TBL1XR1: variants seen among roughly 807,000 people sequenced by gnomAD.
The protein encoded by TBL1XR1 is F-box-like/WD repeat-containing protein TBL1XR1.
A neutral mutation model predicts 66.9 loss-of-function variants in TBL1XR1; 5 were observed. The ratio of observed to expected loss-of-function variants is 0.07; its 90% confidence interval spans 0.04 to 0.16. The LOEUF is 0.16. Ranked by LOEUF, TBL1XR1 falls within the 10% of genes least tolerant of loss-of-function variation. The pLI is 1.00. For synonymous variants in TBL1XR1, 210 were observed against 206.0 expected (o/e 1.02, Z -0.17); for missense variants, 238 against 623.2 (o/e 0.38, Z 6.58).
chr3:177,158,485 C>G (rs938588170), intron 1 of TBL1XR1, among the ~76,000 whole-genome samples: 5 of 152,068 alleles, frequency 3.3e-5, no homozygotes, highest in Admixed American at 1.3e-4. Context: ...CCTCGGCCTC[C>G]CAATGTGCTG....
At chr3:177,038,002 T>G (rs1442108658) in intron 12 of TBL1XR1, 96 bp downstream of exon 12, 1 of 1,038,688 alleles carries the variant, frequency 9.6e-7, no homozygotes, top group East Asian at 2.5e-5. Context: ...GTACAAACAC[T>G]CCATGTAAGA....
Position 177,134,875 on chromosome 3 carries a change from G to A in TBL1XR1, c.-121-36334C>T, listed in dbSNP as rs79367143. Among the ~76,000 whole-genome samples the A allele has an allele frequency of 4.4e-3, 667 of 151,894 alleles. 11 individuals are homozygous for A. The highest frequency in any genetic ancestry group is 2.9e-3 in the South Asian group (14 of 4,812). Reference sequence around the variant, plus strand: ...TACTTAATAAACTAACGGGTATACAGTAAAAATAATGATGGATAATAAAAG... The same window carrying A: ...TACTTAATAAACTAACGGGTATACAATAAAAATAATGATGGATAATAAAAG... On this transcript the variant is annotated intron_variant, in intron 1 of 15. Coordinates refer to ENST00000457928, the MANE Select transcript of TBL1XR1 (RefSeq NM_024665.7).
At chr3:177,045,067 T>C (rs1035165668) in intron 10 of TBL1XR1, 3 of 152,250 alleles carry the variant, frequency 2.0e-5, no homozygotes, top group African/African-American at 7.2e-5. Context: ...TGCAAACTTA[T>C]TCAGATACTA....
intron 1 of TBL1XR1, among the ~76,000 whole-genome samples, chr3:177,137,798 C>A (rs1260483030): frequency 1.3e-5 from 2 of 152,052 alleles, no homozygotes; most frequent in African/African-American, 4.8e-5. Context: ...GGCAAAACCC[C>A]GACTCTACAG....
At chr3:177,151,702 T>C (rs1730908083) in intron 1 of TBL1XR1, among the ~76,000 whole-genome samples, 1 of 152,180 alleles carries the variant, frequency 6.6e-6, no homozygotes, top group Admixed American at 6.5e-5. Flanking sequence ...TCTCAGCCAC[T>C]GTGAAATATC....
chr3:177,046,903 T>TA (rs911381102), intron 9 of TBL1XR1, among the ~76,000 whole-genome samples: 3 of 152,152 alleles, frequency 2.0e-5, no homozygotes, highest in African/African-American at 4.8e-5. Context: ...CAAAGAAGGC[T>TA]AGACAGATCC....
chr3:177,130,575 C>A (rs1728181278), intron 1 of TBL1XR1, among the ~76,000 whole-genome samples: 1 of 152,146 alleles, frequency 6.6e-6, no homozygotes, highest in African/African-American at 2.4e-5. Flanking sequence ...ACTAATAATA[C>A]CCGTCACTCC....
chr3:177,074,165 T>A (rs924715054), intron 2 of TBL1XR1, among the ~76,000 whole-genome samples: 1 of 152,148 alleles, frequency 6.6e-6, no homozygotes, highest in Non-Finnish European at 1.5e-5. Context: ...CCTGGTACAG[T>A]TTCCATACCC....
At chr3:177,148,132 C>T (rs996668538) in intron 1 of TBL1XR1, among the ~76,000 whole-genome samples, 2 of 152,148 alleles carry the variant, frequency 1.3e-5, no homozygotes, top group Non-Finnish European at 2.9e-5. Context: ...ATTTTAGGAT[C>T]TAAATAACCA....
intron 1 of TBL1XR1, among the ~76,000 whole-genome samples, chr3:177,134,932 T>C (rs1157160084): frequency 6.8e-6 from 1 of 147,866 alleles, no homozygotes; most frequent in East Asian, 2.0e-4. Context: ...GTATCACTCC[T>C]GGCACTGCAA....
chr3:177,136,433 CTA>C (rs1729006758), intron 1 of TBL1XR1, among the ~76,000 whole-genome samples: 1 of 152,126 alleles, frequency 6.6e-6, no homozygotes, highest in Non-Finnish European at 1.5e-5. Flanking sequence ...GCGCCAGCCA[CTA>C]CACCCAGCTA....
chr3:177,159,319 A>G (rs1464427572), intron 1 of TBL1XR1, among the ~76,000 whole-genome samples: 1 of 152,220 alleles, frequency 6.6e-6, no homozygotes, highest in East Asian at 1.9e-4. Flanking sequence ...TAAAAATGGT[A>G]AGGAAATTAC....
rs767328321 is a variant in TBL1XR1, at chr3:177,064,942, T to C, written c.36A>G (p.Val12=). Residue 12 remains valine (V), a synonymous_variant, in exon 3 of 16, where the codon GTA becomes GTG. Coordinates refer to ENST00000457928, the MANE Select transcript of TBL1XR1 (RefSeq NM_024665.7). Reference sequence around the variant, plus strand: ...CACCTGACTCTTGCAAGTATCTATATACCAAGAAGTTGACCTCATCACTGC... The same window carrying C: ...CACCTGACTCTTGCAAGTATCTATACACCAAGAAGTTGACCTCATCACTGC... ...SISSDEVNFL[V]YRYLQESGFS... The C allele has an allele frequency of 3.9e-6, 6 of 1,549,422 alleles. No homozygotes were observed. Among genetic ancestry groups the C allele is most frequent in the South Asian group, 1.2e-5 (1 of 82,928 alleles).
chr3:177,075,788 T>C (rs1720625788), intron 2 of TBL1XR1, among the ~76,000 whole-genome samples: 1 of 152,180 alleles, frequency 6.6e-6, no homozygotes, highest in African/African-American at 2.4e-5. Context: ...TAAATTAGCG[T>C]GACAATAAAG....
At chr3:177,074,393 C>G (rs915963163) in intron 2 of TBL1XR1, among the ~76,000 whole-genome samples, 9 of 152,166 alleles carry the variant, frequency 5.9e-5, no homozygotes, top group Non-Finnish European at 1.3e-4. Context: ...TGCGTATGAG[C>G]CATGATCAAC....
At chr3:177,155,774 G>A (rs914160196) in intron 1 of TBL1XR1, among the ~76,000 whole-genome samples, 11 of 151,044 alleles carry the variant, frequency 7.3e-5, no homozygotes, top group Admixed American at 2.0e-4. Context: ...CGTGCACTCC[G>A]GGAAGAGGGC....
At chr3:177,157,231 T>A (rs867070825) in intron 1 of TBL1XR1, among the ~76,000 whole-genome samples, 1 of 151,914 alleles carries the variant, frequency 6.6e-6, no homozygotes, top group East Asian at 1.9e-4. Context: ...GAAAAAAAAA[T>A]TTCCTCTCCG....
Position 177,190,758 on chromosome 3 carries a change from C to CA in TBL1XR1, c.-122+6362dup, listed in dbSNP as rs552954538. ...GTCTAACTCAAAAAGAAGATGCTGC[C>CA]ACATTACAGTGGAACAGGGCTGTCA... On this transcript the variant is annotated intron_variant, in intron 1 of 15. Transcript: ENST00000457928. 1.7e-3 allele frequency among the ~76,000 whole-genome samples: 257 copies of CA among 152,258 alleles called. 1 individual carries two copies. Among genetic ancestry groups the CA allele is most frequent in the African/African-American group, 5.8e-3 (242 of 41,544 alleles).
chr3:177,188,799 C>T (rs547003290), intron 1 of TBL1XR1, among the ~76,000 whole-genome samples: 1 of 152,224 alleles, frequency 6.6e-6, no homozygotes, highest in Non-Finnish European at 1.5e-5. Context: ...ATGATCCTTA[C>T]AGTCCACACT....
Sources: gnomAD v4.1 joint callset for allele counts (sites outside exome capture counted in the v4.1 genomes callset) on GRCh38, gnomAD v4.1.1 for gene constraint, MANE v1.5 for transcripts, NCBI Gene and HGNC (gene_info 2026-07-23, HGNC 2026-07-21) for gene names.